The following TMEM163 variants were observed in gnomAD, a reference collection of about 807,000 sequenced individuals.
The protein encoded by TMEM163 is transmembrane protein 163.
A neutral mutation model predicts 29.3 loss-of-function variants in TMEM163; 17 were observed. The ratio of observed to expected loss-of-function variants is 0.58; its 90% CI spans 0.40 to 0.87. TMEM163 has a LOEUF of 0.87. TMEM163 is among the 40% of genes least tolerant of loss of function. The pLI, the probability that TMEM163 is intolerant of heterozygous loss-of-function variation, is 0.00. For missense variants in TMEM163, 303 were observed against 381.5 expected (o/e 0.79, Z 1.71); for synonymous variants, 157 against 160.6 (o/e 0.98, Z 0.17).
intron 2 of TMEM163, among the ~76,000 whole-genome samples, chr2:134,595,461 C>T (rs1347924842): frequency 6.6e-6 from 1 of 152,178 alleles, no homozygotes; most frequent in Non-Finnish European, 1.5e-5. Flanking sequence ...TTTTGTATGG[C>T]TGCATAGTAT....
intron 4 of TMEM163, among the ~76,000 whole-genome samples, chr2:134,538,915 T>A (rs1680599846): frequency 6.6e-6 from 1 of 152,068 alleles, no homozygotes. Context: ...TAGACTGTGG[T>A]GATGGAGGCA....
At chr2:134,535,836 C>G (rs1277714126) in intron 4 of TMEM163, among the ~76,000 whole-genome samples, 1 of 151,932 alleles carries the variant, frequency 6.6e-6, no homozygotes, top group Non-Finnish European at 1.5e-5. Context: ...AATTATCTTG[C>G]CTCAGTTGCC....
chr2:134,654,191 T>A (rs1433869741), intron 2 of TMEM163, among the ~76,000 whole-genome samples: 1 of 129,060 alleles, frequency 7.7e-6, no homozygotes, highest in Non-Finnish European at 1.6e-5. Context: ...TAAGTCTCTT[T>A]GTAGGTCACT....
At chr2:134,676,180 C>A (rs1318793874) in intron 2 of TMEM163, among the ~76,000 whole-genome samples, 3 of 152,154 alleles carry the variant, frequency 2.0e-5, no homozygotes, top group African/African-American at 7.2e-5. Context: ...AATACACTCT[C>A]CCCATTGCCA....
intron 1 of TMEM163, among the ~76,000 whole-genome samples, chr2:134,718,319 C>A (rs1685082196): frequency 6.6e-6 from 1 of 152,208 alleles, no homozygotes; most frequent in South Asian, 2.1e-4. Context: ...GCCGGCGGAG[C>A]CGCAGGGGAC....
intron 2 of TMEM163, among the ~76,000 whole-genome samples, chr2:134,620,429 A>AT (rs1246662416): frequency 1.3e-5 from 2 of 151,812 alleles, no homozygotes; most frequent in Non-Finnish European, 2.9e-5. Context: ...CTAATTTTGT[A>AT]TTTTTTTAGT....
intron 2 of TMEM163, among the ~76,000 whole-genome samples, chr2:134,599,149 G>A (rs751510238): frequency 4.0e-5 from 6 of 151,856 alleles, no homozygotes; most frequent in African/African-American, 1.2e-4. Context: ...TGTTGACTCC[G>A]CTGTAACCCC....
chr2:134,521,868 C>G (rs1433111252), intron 4 of TMEM163, among the ~76,000 whole-genome samples: 3 of 152,180 alleles, frequency 2.0e-5, no homozygotes, highest in African/African-American at 7.2e-5. Flanking sequence ...CCTACACTAT[C>G]TCCCACCACT....
intron 2 of TMEM163, among the ~76,000 whole-genome samples, chr2:134,583,709 C>G (rs976934959): frequency 6.6e-6 from 1 of 152,184 alleles, no homozygotes; most frequent in African/African-American, 2.4e-5. Context: ...CACCATCACT[C>G]CCAGTGACCT....
At chr2:134,578,761 T>C (rs1049162942) in intron 2 of TMEM163, among the ~76,000 whole-genome samples, 1 of 152,130 alleles carries the variant, frequency 6.6e-6, no homozygotes, top group African/African-American at 2.4e-5. Context: ...TGAGTGTGTG[T>C]GTGTGCATGT....
Position 134,456,658 on chromosome 2 carries a change from C to A in TMEM163, c.*58G>T. On this transcript the variant is annotated 3_prime_UTR_variant, in exon 8 of 8. Coordinates refer to ENST00000281924, the MANE Select transcript of TMEM163 (RefSeq NM_030923.5). ...CCAGATGTTCAGTTAAATATTGGCACCCTTTGCCTATGTGGAAACTCCTCA... is the reference window on the plus strand; with the variant it reads ...CCAGATGTTCAGTTAAATATTGGCAACCTTTGCCTATGTGGAAACTCCTCA... 1 of 1,584,992 alleles carries A rather than the reference C, an allele frequency of 6.3e-7. No homozygotes were observed. Among genetic ancestry groups the A allele is most frequent in the Non-Finnish European group, 8.6e-7 (1 of 1,156,370 alleles).
intron 6 of TMEM163, among the ~76,000 whole-genome samples, chr2:134,462,698 G>A (rs558608314): frequency 6.6e-6 from 1 of 152,320 alleles, no homozygotes; most frequent in South Asian, 2.1e-4. Flanking sequence ...CCTTATTGTT[G>A]TTCTCCTCTG....
At chr2:134,504,555 C>A (rs142254830) in intron 4 of TMEM163, among the ~76,000 whole-genome samples, 170 of 152,196 alleles carry the variant, frequency 1.1e-3, no homozygotes, top group African/African-American at 4.0e-3. Context: ...ATGGACTCAA[C>A]TGTAACTTGC....
intron 2 of TMEM163, among the ~76,000 whole-genome samples, chr2:134,611,379 T>C (rs1682500826): frequency 1.3e-5 from 2 of 152,152 alleles, no homozygotes; most frequent in African/African-American, 4.8e-5. Flanking sequence ...GAGACAAATA[T>C]CTAAACAAAC....
intron 4 of TMEM163, among the ~76,000 whole-genome samples, chr2:134,517,338 C>CAG (rs1680094239): frequency 6.6e-6 from 1 of 152,138 alleles, no homozygotes; most frequent in Admixed American, 6.5e-5. Context: ...TCTGACAAGT[C>CAG]AGAAGGCTGA....
intron 5 of TMEM163, chr2:134,467,797 G>A (rs1007411069): frequency 2.6e-5 from 4 of 152,264 alleles, no homozygotes; most frequent in Non-Finnish European, 5.9e-5. Context: ...CCGTGGCTGT[G>A]TGCGATGTTA....
chr2:134,706,140 G>A (rs1170109394), intron 2 of TMEM163, among the ~76,000 whole-genome samples: 2 of 152,210 alleles, frequency 1.3e-5, no homozygotes, highest in African/African-American at 2.4e-5. Context: ...CCTCCTAACA[G>A]CCTCAGGCAA....
intron 6 of TMEM163, among the ~76,000 whole-genome samples, chr2:134,462,481 G>A (rs1282186842): frequency 1.3e-5 from 2 of 152,100 alleles, no homozygotes; most frequent in Non-Finnish European, 2.9e-5. Flanking sequence ...ACTCCCCCAT[G>A]CCCCTTCCTC....
rs147033487 is a variant in TMEM163 at position 134,668,387 on chromosome 2, G to T, written c.322+44813C>A. 2.8e-3 allele frequency among the ~76,000 whole-genome samples: 429 copies of T among 152,236 alleles called. 5 individuals are homozygous for T. Among genetic ancestry groups the T allele is most frequent in the African/African-American group, 9.5e-3 (394 of 41,536 alleles). On this transcript the variant is annotated intron_variant, in intron 2 of 7. Coordinates refer to ENST00000281924, the MANE Select transcript of TMEM163 (RefSeq NM_030923.5). The stretch of plus-strand genomic sequence containing the variant: ...GGGGTCAACAGAGTCCCATCTCTTG[G>T]CTTATTGATGGGCATTAACATTCTT...
Sources: gnomAD v4.1 joint callset for allele counts (sites outside exome capture counted in the v4.1 genomes callset) on GRCh38, gnomAD v4.1.1 for gene constraint, MANE v1.5 for transcripts, NCBI Gene and HGNC (gene_info 2026-07-23, HGNC 2026-07-21) for gene names.